Variants in LRRIQ1 observed in about 807,000 individuals in gnomAD.
LRRIQ1 encodes leucine-rich repeat- and IQ domain-containing protein 1.
Under a neutral mutation model 211.9 loss-of-function variants are expected in LRRIQ1, and 210 were observed. The observed-to-expected ratio is 0.99, with a 90% CI of 0.89 to 1.11. The LOEUF is 1.11. Among genes scored for constraint, LRRIQ1 ranks in the 50% most tolerant of loss-of-function variants. The pLI, the probability that LRRIQ1 is intolerant of heterozygous loss-of-function variation, is 0.00. For synonymous variants in LRRIQ1, 699 were observed against 650.1 expected (o/e 1.08, Z -1.14); for missense variants, 2,136 against 1,939.5 (o/e 1.10, Z -1.90).
At position 85,104,050 on chromosome 12, in the gene LRRIQ1, C is replaced by G; in HGVS notation, c.3256C>G (p.Leu1086Val). ...TTTTCATTTTGTTTCATTGGAAAAG[C>G]TAGATGTCAGCCACAATTGTCTTTC... ...PLFHFVSLEK[L>V]DVSHNCLSDL... Residue 1086 changes from leucine (L) to valine (V), a missense_variant, in exon 14 of 27, where the codon CTA becomes GTA. Leu to Val is a conservative substitution (Grantham distance 32). Transcript: ENST00000393217. 1 of 1,561,236 alleles carries G rather than the reference C, an allele frequency of 6.4e-7. No individual in the cohort carries two copies. The highest frequency in any genetic ancestry group is 8.7e-7 in the Non-Finnish European group (1 of 1,153,266).
chr12:85,103,154 T>A (rs1237040259), intron 13 of LRRIQ1, among the ~76,000 whole-genome samples: 1 of 150,462 alleles, frequency 6.6e-6, no homozygotes, highest in Non-Finnish European at 1.5e-5. Context: ...AGCTTTTGTT[T>A]CCAATGACGT....
intron 24 of LRRIQ1, among the ~76,000 whole-genome samples, chr12:85,172,898 A>G (rs941867539): frequency 1.3e-5 from 2 of 151,896 alleles, no homozygotes; most frequent in Non-Finnish European, 1.5e-5. Flanking sequence ...CACAAGATCA[A>G]GAGATCGAGA....
At chr12:85,121,173 A>C (rs995980987) in intron 15 of LRRIQ1, among the ~76,000 whole-genome samples, 2 of 151,886 alleles carry the variant, frequency 1.3e-5, no homozygotes, top group Non-Finnish European at 2.9e-5. Context: ...TACCTTTATA[A>C]TCCTTAGCAA....
chr12:85,255,713 TAAA>T (rs1896070171), intron 1 of LRRIQ1, among the ~76,000 whole-genome samples: 1 of 151,758 alleles, frequency 6.6e-6, no homozygotes, highest in African/African-American at 2.4e-5. Context: ...AATTATTGTT[TAAA>T]CCATTAAATC....
At chr12:85,220,433 T>C (rs1182992853) in intron 24 of LRRIQ1, among the ~76,000 whole-genome samples, 1 of 152,032 alleles carries the variant, frequency 6.6e-6, no homozygotes, top group Non-Finnish European at 1.5e-5. Context: ...ATGGGTTTAA[T>C]GAACACTTTT....
chr12:85,116,729 C>T (rs114287025), intron 15 of LRRIQ1, among the ~76,000 whole-genome samples: 1 of 152,032 alleles, frequency 6.6e-6, no homozygotes, highest in South Asian at 2.1e-4. Flanking sequence ...TCAAGTAGAC[C>T]CCAATGTCTG....
At chr12:85,045,921 C>T (rs1879493642) in intron 4 of LRRIQ1, 99 bp from the exon 5 acceptor site, 2 of 515,200 alleles carry the variant, frequency 3.9e-6, no homozygotes, top group Non-Finnish European at 6.7e-6. Flanking sequence ...CATTAAAATT[C>T]TTGGTATATA....
intron 1 of LRRIQ1, among the ~76,000 whole-genome samples, chr12:85,256,986 TGA>T (rs1173963658): frequency 3.9e-5 from 5 of 127,414 alleles, no homozygotes; most frequent in Admixed American, 9.7e-5. Flanking sequence ...AAATATTGGG[TGA>T]GAGAAGATAA....
chr12:85,120,603 A>G (rs968325614), intron 15 of LRRIQ1, among the ~76,000 whole-genome samples: 3 of 152,240 alleles, frequency 2.0e-5, no homozygotes, highest in Non-Finnish European at 2.9e-5. Context: ...AGTTTAATCT[A>G]TAGATCAATA....
At chr12:85,239,658 C>A (rs1419400837) in intron 26 of LRRIQ1, among the ~76,000 whole-genome samples, 1 of 151,774 alleles carries the variant, frequency 6.6e-6, no homozygotes, top group Non-Finnish European at 1.5e-5. Flanking sequence ...AACTATGAGC[C>A]TAAATTTAAA....
intron 2 of LRRIQ1, among the ~76,000 whole-genome samples, chr12:85,038,639 A>G (rs1301557516): frequency 6.6e-6 from 1 of 151,648 alleles, no homozygotes; most frequent in Admixed American, 6.6e-5. Flanking sequence ...TTATTTGTGT[A>G]TATTTACCAA....
chr12:85,266,020 G>A (rs1356834729), downstream of LRRIQ1, among the ~76,000 whole-genome samples: 1 of 152,024 alleles, frequency 6.6e-6, no homozygotes, highest in East Asian at 1.9e-4. Flanking sequence ...AATAAAAAGT[G>A]GAAATAACCC....
downstream of LRRIQ1, among the ~76,000 whole-genome samples, chr12:85,266,196 A>C (rs1464145362): frequency 6.6e-6 from 1 of 152,086 alleles, no homozygotes; most frequent in Non-Finnish European, 1.5e-5. Context: ...CTTGTAATCT[A>C]TTTCATATCA....
intron 15 of LRRIQ1, among the ~76,000 whole-genome samples, chr12:85,114,516 C>T (rs928157543): frequency 3.0e-4 from 45 of 151,948 alleles, no homozygotes; most frequent in Admixed American, 1.3e-4. Flanking sequence ...AGCATGAACA[C>T]TTATTTTATT....
intron 11 of LRRIQ1, among the ~76,000 whole-genome samples, chr12:85,077,831 A>G (rs1883828245): frequency 6.6e-6 from 1 of 151,982 alleles, no homozygotes; most frequent in Admixed American, 6.6e-5. Flanking sequence ...AATAAAATAA[A>G]CAAAAAATAA....
At chr12:85,073,265 T>C (rs1852146696) in intron 11 of LRRIQ1, among the ~76,000 whole-genome samples, 167 bp downstream of exon 11, 1 of 152,026 alleles carries the variant, frequency 6.6e-6, no homozygotes, top group Non-Finnish European at 1.5e-5. Flanking sequence ...TTTCAAGGCA[T>C]ACTTTTGAAA....
chr12:85,236,685 A>G (rs1452718638), intron 26 of LRRIQ1, among the ~76,000 whole-genome samples: 1 of 151,662 alleles, frequency 6.6e-6, no homozygotes, highest in African/African-American at 2.4e-5. Context: ...TGAATACCCT[A>G]TTAGTCTGCA....
Position 85,076,545 on chromosome 12 carries a change from C to G in LRRIQ1, c.2887+3447C>G, listed in dbSNP as rs968671576. ...AGAGATACTAAGAGTTTTTTTCCTT[C>G]TTTATTTTCTAGATAATACTGCTTT... On this transcript the variant is annotated intron_variant, in intron 11 of 26. Transcript: ENST00000393217. The G allele has an allele frequency of 6.3e-6, 4 of 639,078 alleles. No individual in the cohort carries two copies. In the Admixed American group the frequency reaches 1.9e-4, roughly 30 times the overall value. 39.6% of individuals were successfully genotyped at this position (639,078 alleles called of 1,614,324 possible).
intron 24 of LRRIQ1, among the ~76,000 whole-genome samples, chr12:85,195,261 C>T (rs1892833853): frequency 6.6e-6 from 1 of 151,886 alleles, no homozygotes; most frequent in South Asian, 2.1e-4. Context: ...GGAACTGGTA[C>T]CATTCCTTCT....
Sources: gnomAD v4.1 joint callset for allele counts (sites outside exome capture counted in the v4.1 genomes callset) on GRCh38, gnomAD v4.1.1 for gene constraint, MANE v1.5 for transcripts, NCBI Gene and HGNC (gene_info 2026-07-23, HGNC 2026-07-21) for gene names.